ACOXL: variants seen among roughly 807,000 people sequenced by gnomAD.
ACOXL encodes the protein acyl-CoA oxidase like.
A neutral mutation model predicts 71.9 loss-of-function variants in ACOXL; 70 were observed. The observed-to-expected ratio is 0.97, with a 90% CI of 0.80 to 1.19. The LOEUF is 1.19. Ranked by LOEUF, ACOXL falls within the 50% of genes most tolerant of loss-of-function variation. The probability of loss-of-function intolerance (pLI) is 0.00; values close to 1 mark genes in which losing one functional copy is unlikely to be tolerated. For missense variants in ACOXL, 703 were observed against 736.3 expected (o/e 0.95, Z 0.52); for synonymous variants, 253 against 281.6 (o/e 0.90, Z 1.02).
rs1291333888 is a variant in ACOXL at position 110,895,648 on chromosome 2, G to GA, written c.789-13135dup. ...GAAACATCCAAAAACTAAAGACAAA[G>GA]AAAAAATCTTGAAAACAATAGAGAG... On this transcript the variant is annotated intron_variant, in intron 10 of 17. Coordinates refer to ENST00000439055, the MANE Select transcript of ACOXL (RefSeq NM_001142807.4). Among the ~76,000 whole-genome samples the GA allele has an allele frequency of 2.0e-5, 3 of 148,156 alleles. No individual in the cohort carries two copies. In the Admixed American group the frequency reaches 2.0e-4, roughly 10 times the overall value.
At chr2:110,983,280 C>G (rs1239343930) in intron 12 of ACOXL, among the ~76,000 whole-genome samples, 2 of 152,128 alleles carry the variant, frequency 1.3e-5, no homozygotes, top group East Asian at 3.8e-4. Context: ...TTCATAGATG[C>G]CTTGAAAAGT....
chr2:110,927,659 GT>G (rs1366795382), intron 11 of ACOXL, among the ~76,000 whole-genome samples: 1 of 152,182 alleles, frequency 6.6e-6, no homozygotes, highest in Non-Finnish European at 1.5e-5. Flanking sequence ...TCATTGCACT[GT>G]TACTTTTGGT....
chr2:110,931,503 CA>C (rs1283127195), intron 11 of ACOXL, among the ~76,000 whole-genome samples: 1 of 152,086 alleles, frequency 6.6e-6, no homozygotes, highest in Non-Finnish European at 1.5e-5. Flanking sequence ...GAAAATGCCA[CA>C]GACTTCCTTA....
intron 16 of ACOXL, among the ~76,000 whole-genome samples, chr2:111,062,006 T>C (rs2066841972): frequency 6.6e-6 from 1 of 151,962 alleles, no homozygotes; most frequent in Non-Finnish European, 1.5e-5. Flanking sequence ...ATAATTATAT[T>C]AATTTTGAAT....
chr2:110,971,220 G>A (rs1003625336), intron 12 of ACOXL, among the ~76,000 whole-genome samples: 2 of 152,118 alleles, frequency 1.3e-5, no homozygotes, highest in Non-Finnish European at 1.5e-5. Flanking sequence ...ATGAAAATAG[G>A]TACATCATTG....
intron 14 of ACOXL, among the ~76,000 whole-genome samples, chr2:111,003,895 C>T (rs940807345): frequency 6.6e-6 from 1 of 152,038 alleles, no homozygotes; most frequent in Non-Finnish European, 1.5e-5. Flanking sequence ...CTGGTTTTAG[C>T]CCAAGGCAAA....
intron 17 of ACOXL, among the ~76,000 whole-genome samples, chr2:111,115,065 C>A (rs1206395554): frequency 6.6e-6 from 1 of 152,130 alleles, no homozygotes; most frequent in African/African-American, 2.4e-5. Flanking sequence ...TTTGCAAGAA[C>A]CTATAACTTG....
intron 5 of ACOXL, among the ~76,000 whole-genome samples, chr2:110,797,807 G>A (rs1412554411): frequency 6.6e-6 from 1 of 152,208 alleles, no homozygotes. Flanking sequence ...TTGGAGATGA[G>A]GGGCATGGAG....
chr2:110,981,182 G>T (rs564352342), intron 12 of ACOXL, among the ~76,000 whole-genome samples: 10 of 152,308 alleles, frequency 6.6e-5, no homozygotes, highest in African/African-American at 2.4e-4. Flanking sequence ...GGCCAACATG[G>T]TGAAGCCCCA....
chr2:110,832,909 T>C (rs1429266449), intron 9 of ACOXL, among the ~76,000 whole-genome samples: 1 of 152,234 alleles, frequency 6.6e-6, no homozygotes, highest in African/African-American at 2.4e-5. Flanking sequence ...ATAGCTCAGA[T>C]TTATAAAGTG....
chr2:110,769,000 T>C (rs1681508793), intron 2 of ACOXL, among the ~76,000 whole-genome samples: 1 of 151,830 alleles, frequency 6.6e-6, no homozygotes, highest in African/African-American at 2.4e-5. Context: ...CATTCACTTC[T>C]CCAATCTCAC....
chr2:111,109,671 A>ATTTTTTTTTTTTTTTTTTT (rs869081161), intron 17 of ACOXL, among the ~76,000 whole-genome samples: 1 of 75,644 alleles, frequency 1.3e-5, no homozygotes, highest in Non-Finnish European at 2.4e-5. Flanking sequence ...TTCTCCTTCT[A>ATTTTTTTTTTTTTTTTTTT]TTTTTTTTTT....
intron 11 of ACOXL, among the ~76,000 whole-genome samples, chr2:110,917,476 C>G (rs1305908207): frequency 6.6e-6 from 1 of 152,226 alleles, no homozygotes; most frequent in Non-Finnish European, 1.5e-5. Context: ...TGGAAGCATT[C>G]CCTTTGAAAA....
chr2:110,788,400 A>G (rs1684251369), intron 3 of ACOXL, among the ~76,000 whole-genome samples: 2 of 152,246 alleles, frequency 1.3e-5, no homozygotes, highest in African/African-American at 4.8e-5. Flanking sequence ...CAAATATTGT[A>G]TGAGCCTACT....
chr2:110,994,312 A>C (rs2063300487), intron 13 of ACOXL, among the ~76,000 whole-genome samples: 1 of 152,242 alleles, frequency 6.6e-6, no homozygotes, highest in Non-Finnish European at 1.5e-5. Flanking sequence ...GGTAATTGGC[A>C]TGTAAATACT....
chr2:110,780,665 C>T (rs1683208028), intron 2 of ACOXL, among the ~76,000 whole-genome samples: 1 of 152,108 alleles, frequency 6.6e-6, no homozygotes, highest in Non-Finnish European at 1.5e-5. Flanking sequence ...AGAAGGCAGA[C>T]CCTGAAGAGC....
At chr2:111,093,878 C>T (rs1219011653) in intron 17 of ACOXL, 1 of 190,526 alleles carries the variant, frequency 5.2e-6, no homozygotes, top group African/African-American at 2.3e-5. Context: ...CAAAACAAAA[C>T]AACAACAGCA....
chr2:111,044,289 G>C (rs1055263014), intron 15 of ACOXL, among the ~76,000 whole-genome samples: 7 of 152,260 alleles, frequency 4.6e-5, no homozygotes, highest in African/African-American at 1.7e-4. Context: ...CATGGGTCTA[G>C]AGTGGACACG....
chr2:110,786,804 A>G (rs1334731112), intron 3 of ACOXL, among the ~76,000 whole-genome samples: 2 of 152,246 alleles, frequency 1.3e-5, no homozygotes, highest in Non-Finnish European at 2.9e-5. Flanking sequence ...ACCAATTGCA[A>G]TATGTGTGTC....
Sources: gnomAD v4.1 joint callset for allele counts (sites outside exome capture counted in the v4.1 genomes callset) on GRCh38, gnomAD v4.1.1 for gene constraint, MANE v1.5 for transcripts, NCBI Gene and HGNC (gene_info 2026-07-23, HGNC 2026-07-21) for gene names.